KCNMA1: variants seen among roughly 807,000 people sequenced by gnomAD.
The protein encoded by KCNMA1 is Calcium-activated potassium channel subunit alpha-1.
KCNMA1 carries 29 observed loss-of-function variants against 140.0 expected under a neutral mutation model. The observed-to-expected ratio is 0.21, with a 90% CI of 0.15 to 0.28. KCNMA1 has a LOEUF of 0.28. Ranked by LOEUF, KCNMA1 falls within the 10% of genes least tolerant of loss-of-function variation. The pLI, the probability that KCNMA1 is intolerant of heterozygous loss-of-function variation, is 1.00. For missense variants in KCNMA1, 880 were observed against 1,602.2 expected, an observed-to-expected ratio of 0.55 and a Z score of 7.70; for synonymous variants, 612 against 611.9, an observed-to-expected ratio of 1.00 and a Z score of 0.00.
intron 1 of KCNMA1, chr10:77,636,361 C>G: frequency 6.5e-7 from 1 of 1,532,478 alleles, no homozygotes; most frequent in East Asian, 2.5e-5. Context: ...AGCCTCAGTG[C>G]CGGTGGGCGT....
chr10:77,491,841 T>C (rs1217991035), intron 1 of KCNMA1, among the ~76,000 whole-genome samples: 1 of 152,186 alleles, frequency 6.6e-6, no homozygotes, highest in African/African-American at 2.4e-5. Flanking sequence ...GAAATGGTAT[T>C]AGCCATTCGG....
chr10:77,054,558 T>A (rs1594866854), intron 14 of KCNMA1, among the ~76,000 whole-genome samples: 1 of 152,264 alleles, frequency 6.6e-6, no homozygotes, highest in East Asian at 1.9e-4. Flanking sequence ...AAGTGATGAC[T>A]CTTATTCATA....
At position 76,887,161 on chromosome 10, in the gene KCNMA1, AG is replaced by A. The variant is rs1491246998; in HGVS notation, c.*104del. 3.1e-6 allele frequency: 5 copies of A among 1,609,026 alleles called. No individual in the cohort carries two copies. The highest frequency in any genetic ancestry group is 2.7e-5 in the African/African-American group (2 of 74,876). ...CATATGCAAATATGTGTAAAAAAAA[AG>A]GGGGGGACTACAGGGGAAAACAGGG... On this transcript the variant is annotated 3_prime_UTR_variant, in exon 28 of 28. Coordinates refer to ENST00000286628, the MANE Select transcript of KCNMA1 (RefSeq NM_001161352.2).
At chr10:77,445,102 C>A (rs1247708828) in intron 1 of KCNMA1, among the ~76,000 whole-genome samples, 2 of 152,100 alleles carry the variant, frequency 1.3e-5, no homozygotes, top group African/African-American at 4.8e-5. Context: ...CAAGGACCAC[C>A]CAGCAGCGTT....
At chr10:77,412,890 C>T (rs530163996) in intron 1 of KCNMA1, among the ~76,000 whole-genome samples, 2 of 152,192 alleles carry the variant, frequency 1.3e-5, no homozygotes, top group East Asian at 3.9e-4. Flanking sequence ...AAGAGTCTCA[C>T]TCTGTTGCCC....
rs138758610 is a variant in KCNMA1, at chr10:77,302,614, TTTA to T, written c.541-51361_541-51359del. 3.1e-3 allele frequency among the ~76,000 whole-genome samples: 470 copies of T among 152,250 alleles called. 14 individuals are homozygous for T. In the East Asian group the frequency reaches 0.054, roughly 18 times the overall value. The stretch of plus-strand genomic sequence containing the variant: ...CCAGTGGGTGAGCAAGGTGAAAAGT[TTTA>T]TTAACTGATGAAACAGCTGTCAGCA... On this transcript the variant is annotated intron_variant, in intron 2 of 27. Transcript: ENST00000286628.
chr10:77,073,729 G>A (rs1040823363), intron 13 of KCNMA1, among the ~76,000 whole-genome samples: 3 of 152,090 alleles, frequency 2.0e-5, no homozygotes, highest in Non-Finnish European at 4.4e-5. Context: ...CAGATTGCTG[G>A]CCCCCCACCA....
chr10:77,049,789 C>T (rs2095286433), intron 14 of KCNMA1, among the ~76,000 whole-genome samples: 1 of 152,156 alleles, frequency 6.6e-6, no homozygotes, highest in Non-Finnish European at 1.5e-5. Context: ...GAAAAAATTT[C>T]TGCACTGTTA....
At chr10:77,000,567 C>T (rs1452070470) in intron 19 of KCNMA1, among the ~76,000 whole-genome samples, 1 of 152,016 alleles carries the variant, frequency 6.6e-6, no homozygotes, top group Non-Finnish European at 1.5e-5. Context: ...ACATCAGAGG[C>T]CTGTGCTATG....
intron 1 of KCNMA1, among the ~76,000 whole-genome samples, chr10:77,607,831 A>C (rs141420522): frequency 6.6e-6 from 1 of 152,248 alleles, no homozygotes; most frequent in Admixed American, 6.5e-5. Context: ...TTAAGGCACT[A>C]TGTTTGTGGT....
chr10:77,192,255 A>G (rs1362830221), intron 3 of KCNMA1, among the ~76,000 whole-genome samples: 1 of 152,144 alleles, frequency 6.6e-6, no homozygotes, highest in African/African-American at 2.4e-5. Context: ...TAAAACACAC[A>G]CAGATCATTT....
intron 2 of KCNMA1, among the ~76,000 whole-genome samples, chr10:77,323,466 T>A (rs1196114226): frequency 1.3e-5 from 2 of 152,190 alleles, no homozygotes; most frequent in Admixed American, 6.5e-5. Context: ...CCATGCCAGC[T>A]TGGGAACCCA....
At chr10:77,268,463 T>C (rs1418960483) in intron 2 of KCNMA1, among the ~76,000 whole-genome samples, 1 of 152,062 alleles carries the variant, frequency 6.6e-6, no homozygotes, top group Non-Finnish European at 1.5e-5. Context: ...TTGTCTGGCA[T>C]TGAACATGAT....
rs1450128452 is a variant in KCNMA1 at position 77,609,330 on chromosome 10, G to A, written c.378+27935C>T. ...GAACCTAGAGGACAGTATGTTAAGT[G>A]AAATAAGCCAGGGATAGGAAGACAA... On this transcript the variant is annotated intron_variant, in intron 1 of 27. Transcript: ENST00000286628. Among the ~76,000 whole-genome samples the A allele has an allele frequency of 2.6e-5, 4 of 152,326 alleles. No individual in the cohort carries two copies. The East Asian group carries it at 5.8e-4, about 22-fold the overall frequency.
intron 23 of KCNMA1, among the ~76,000 whole-genome samples, chr10:76,925,755 G>C (rs1405539098): frequency 1.3e-5 from 2 of 152,176 alleles, no homozygotes; most frequent in African/African-American, 2.4e-5. Context: ...GTTTGGTTTA[G>C]TATGAATTGA....
intron 1 of KCNMA1, among the ~76,000 whole-genome samples, chr10:77,569,632 T>C (rs543279349): frequency 0.013 from 1,971 of 151,742 alleles, 45 homozygotes; most frequent in African/African-American, 0.045. Context: ...CCATAAAAAC[T>C]GTAGAAGAAA....
At chr10:77,071,143 T>A (rs778370314) in intron 14 of KCNMA1, 1 of 152,220 alleles carries the variant, frequency 6.6e-6, no homozygotes, top group Non-Finnish European at 1.5e-5. Context: ...GGAGCGGACA[T>A]CCTTGGCTTT....
At chr10:77,634,639 A>C (rs1482977356) in intron 1 of KCNMA1, 1 of 985,390 alleles carries the variant, frequency 1.0e-6, no homozygotes, top group Non-Finnish European at 1.2e-6. Flanking sequence ...GGGCTGGTAG[A>C]ATTTTCTGGA....
intron 9 of KCNMA1, among the ~76,000 whole-genome samples, chr10:77,094,535 C>T (rs1209071967): frequency 6.6e-6 from 1 of 152,058 alleles, no homozygotes; most frequent in Non-Finnish European, 1.5e-5. Flanking sequence ...TCACTAGAGT[C>T]TGGCTGGATA....
Sources: allele counts gnomAD v4.1 joint callset (sites outside exome capture counted in the v4.1 genomes callset), GRCh38; gene constraint gnomAD v4.1.1; transcripts MANE v1.5; gene names NCBI Gene and HGNC (gene_info 2026-07-23, HGNC 2026-07-21).